The following PALD1 variants were observed in gnomAD, a reference collection of about 807,000 sequenced individuals.
PALD1 encodes phosphatase domain containing paladin 1.
PALD1 carries 57 observed loss-of-function variants against 96.0 expected under a neutral mutation model. That is an observed-to-expected ratio of 0.59 (90% CI 0.48 to 0.74). PALD1 has a LOEUF of 0.74. Among genes scored for constraint, PALD1 ranks in the 30% least tolerant of loss-of-function variants. The pLI, the probability that PALD1 is intolerant of heterozygous loss-of-function variation, is 0.00. For synonymous variants in PALD1, 464 were observed against 473.6 expected, an observed-to-expected ratio of 0.98 and a Z score of 0.26; for missense variants, 1,063 against 1,143.7, an observed-to-expected ratio of 0.93 and a Z score of 1.02.
At chr10:70,502,424 C>A (rs573879151) in intron 1 of PALD1, among the ~76,000 whole-genome samples, 2 of 149,234 alleles carry the variant, frequency 1.3e-5, no homozygotes, top group Non-Finnish European at 3.0e-5. Context: ...ATCAACAGAA[C>A]TGTACTGGAT....
the PALD1 span, among the ~76,000 whole-genome samples, chr10:70,460,233 C>T: frequency 7.2e-5 from 11 of 152,252 alleles, no homozygotes; most frequent in East Asian, 9.7e-4. Context: ...GGCTGTGCTT[C>T]GACTTCTCTT....
intron 18 of PALD1, among the ~76,000 whole-genome samples, chr10:70,562,297 A>T (rs926966486): frequency 1.3e-5 from 2 of 152,114 alleles, no homozygotes; most frequent in African/African-American, 2.4e-5. Flanking sequence ...CTCCTTCTGG[A>T]TGGATGGGTG....
At chr10:70,542,813 C>T (rs891002118) in intron 17 of PALD1, among the ~76,000 whole-genome samples, 12 of 152,144 alleles carry the variant, frequency 7.9e-5, no homozygotes, top group Non-Finnish European at 1.3e-4. Flanking sequence ...TGGATCCTAT[C>T]GTAATTCTGT....
intron 1 of PALD1, among the ~76,000 whole-genome samples, chr10:70,501,366 C>A (rs971428687): frequency 6.6e-5 from 10 of 152,240 alleles, no homozygotes; most frequent in Non-Finnish European, 7.3e-5. Context: ...ATCCTGAGAA[C>A]TAACCTGGTC....
the PALD1 span, among the ~76,000 whole-genome samples, chr10:70,469,474 G>C: frequency 6.6e-6 from 1 of 152,188 alleles, no homozygotes; most frequent in Non-Finnish European, 1.5e-5. Flanking sequence ...AGCTCCGGCG[G>C]CTGCTAGTTG....
upstream of PALD1, chr10:70,478,677 T>C (rs959034089): frequency 6.6e-6 from 1 of 151,926 alleles, no homozygotes; most frequent in Non-Finnish European, 1.5e-5. Context: ...TCTTTAAATC[T>C]GAGCCCCCCG....
intron 4 of PALD1, among the ~76,000 whole-genome samples, chr10:70,530,324 C>G (rs1452913193): frequency 6.6e-6 from 1 of 152,178 alleles, no homozygotes; most frequent in Non-Finnish European, 1.5e-5. Flanking sequence ...TACTTGGGAG[C>G]CTCAGAGGAA....
chr10:70,495,375 A>T (rs894572647), intron 1 of PALD1, among the ~76,000 whole-genome samples: 2 of 146,284 alleles, frequency 1.4e-5, no homozygotes, highest in Admixed American at 6.7e-5. Context: ...GATCTGCTCC[A>T]TGAGGGTCCG....
rs1416175143 is a variant in PALD1, at chr10:70,539,820, C to G, written c.1908+58C>G. 2 of 1,468,392 alleles carry G rather than the reference C, an allele frequency of 1.4e-6. No individual in the cohort carries two copies. Among genetic ancestry groups the G allele is most frequent in the East Asian group, 4.7e-5 (2 of 42,354 alleles). 91.0% of individuals were successfully genotyped at this position (1,468,392 alleles called of 1,614,324 possible). On this transcript the variant is annotated intron_variant, in intron 15 of 19. Coordinates refer to ENST00000263563, the MANE Select transcript of PALD1 (RefSeq NM_014431.3). The surrounding 1 kb of genome is among the most constrained non-coding windows in gnomAD (Gnocchi z 4.5). ...GAGGGACAGGAGGCCTCCCTGTCTCCCCTCTGGTCTGGGCTCTGGGAGAAT... is the reference window on the plus strand; with the variant it reads ...GAGGGACAGGAGGCCTCCCTGTCTCGCCTCTGGTCTGGGCTCTGGGAGAAT...
the PALD1 span, among the ~76,000 whole-genome samples, chr10:70,463,633 A>G: frequency 6.6e-6 from 1 of 152,156 alleles, no homozygotes; most frequent in African/African-American, 2.4e-5. Context: ...TGGAGCTAAT[A>G]TCCTAGTGGA....
intron 17 of PALD1, among the ~76,000 whole-genome samples, chr10:70,542,357 G>A (rs926699621): frequency 3.9e-5 from 6 of 151,990 alleles, no homozygotes; most frequent in East Asian, 1.9e-4. Context: ...GTACATTCAC[G>A]TTGTTGTGCA....
In PALD1 at chr10:70,488,381, A is replaced by G. The variant is rs949358118; in HGVS notation, c.-30+9322A>G. ...AGTGATCTGCCTGCCTCAGCCTCCT[A>G]AAGTGCTGGGATTACAGGCGTAAGC... On this transcript the variant is annotated intron_variant, in intron 1 of 19. Coordinates refer to ENST00000263563, the MANE Select transcript of PALD1 (RefSeq NM_014431.3). 3.3e-5 allele frequency among the ~76,000 whole-genome samples: 5 copies of G among 152,244 alleles called. 1 individual carries two copies. The highest frequency in any genetic ancestry group is 1.2e-4 in the African/African-American group (5 of 41,532).
rs752579373 is a variant in PALD1, at chr10:70,538,368, G to A, written c.1412G>A (p.Gly471Asp). The A allele has an allele frequency of 6.2e-7, 1 of 1,611,186 alleles. No individual in the cohort carries two copies. The highest frequency in any genetic ancestry group is 8.5e-7 in the Non-Finnish European group (1 of 1,179,986). ...CTGCCCGTGACGCTGAGCTCAGCAG[G>A]CCCTGTGGCTCCGAGGGACCTCATC... ...YRLPVTLSSA[G>D]PVAPRDLIAR... Residue 471 changes from glycine to aspartate, a missense_variant, in exon 12 of 20, where the codon GGC (glycine) becomes GAC (aspartate). Physicochemically the swap from Gly to Asp is moderately conservative, Grantham distance 94. Transcript: ENST00000263563.
chr10:70,551,591 C>T (rs1415628980), intron 18 of PALD1, among the ~76,000 whole-genome samples: 1 of 152,184 alleles, frequency 6.6e-6, no homozygotes, highest in African/African-American at 2.4e-5. Flanking sequence ...CTGCCCCTCA[C>T]TCCCCAGAGC....
intron 1 of PALD1, among the ~76,000 whole-genome samples, chr10:70,503,311 C>T (rs1344523913): frequency 6.6e-6 from 1 of 152,102 alleles, no homozygotes; most frequent in African/African-American, 2.4e-5. Flanking sequence ...CTTGTTTTCC[C>T]ATTTGTTTGA....
intron 5 of PALD1, 69 bp downstream of exon 5, chr10:70,531,523 C>A: frequency 1.4e-6 from 2 of 1,434,772 alleles, no homozygotes; most frequent in Non-Finnish European, 9.5e-7. Context: ...CTTTTTGGGG[C>A]CAGCTCACCT....
intron 1 of PALD1, among the ~76,000 whole-genome samples, chr10:70,496,240 G>A (rs1846193417): frequency 6.6e-6 from 1 of 152,138 alleles, no homozygotes; most frequent in South Asian, 2.1e-4. Context: ...GGAGGGCAGA[G>A]TATGAGTTAT....
rs78060615 is a variant in PALD1, at chr10:70,479,287, C to T, written c.-30+228C>T. Reference sequence around the variant, plus strand: ...TGTGTTGGACCCTGGGCTACCCCCTCTCCCGAGTTCCCTGGGTTTGGTGTA... The same window carrying T: ...TGTGTTGGACCCTGGGCTACCCCCTTTCCCGAGTTCCCTGGGTTTGGTGTA... On this transcript the variant is annotated intron_variant, in intron 1 of 19. Transcript: ENST00000263563. Among the ~76,000 whole-genome samples, 42 of 152,354 alleles carry T rather than the reference C, an allele frequency of 2.8e-4. 1 individual carries two copies. In the East Asian group the frequency reaches 8.1e-3, roughly 29 times the overall value.
chr10:70,538,258 G>A (rs200648207), intron 11 of PALD1, 22 bp from the exon 12 acceptor site: 119 of 1,599,390 alleles, frequency 7.4e-5, no homozygotes, highest in Admixed American at 4.3e-4. Flanking sequence ...TGAATTCCTC[G>A]TCTCTCTGCC....
Sources: allele counts gnomAD v4.1 joint callset (sites outside exome capture counted in the v4.1 genomes callset), GRCh38; gene constraint gnomAD v4.1.1; non-coding constraint Gnocchi (gnomAD v3.1); transcripts MANE v1.5; gene names NCBI Gene and HGNC (gene_info 2026-07-23, HGNC 2026-07-21).